Variants in ZNF704 observed in about 807,000 individuals in gnomAD.
The protein encoded by ZNF704 is glucocorticoid induced gene 1.
In ZNF704, 10 loss-of-function variants were observed where a neutral mutation model predicts 44.7. That is an observed-to-expected ratio of 0.22 (90% confidence interval 0.14 to 0.38). ZNF704 has a LOEUF of 0.38. ZNF704 is among the 10% of genes least tolerant of loss of function. ZNF704 has a pLI of 1.00. For synonymous variants in ZNF704, 211 were observed against 207.6 expected (o/e 1.02, Z -0.14); for missense variants, 390 against 545.5 (o/e 0.71, Z 2.84).
At chr8:80,780,229 C>T (rs1807495058) in intron 2 of ZNF704, among the ~76,000 whole-genome samples, 1 of 152,100 alleles carries the variant, frequency 6.6e-6, no homozygotes, top group Non-Finnish European at 1.5e-5. Context: ...ATGGAAAATA[C>T]GCTGGCAACA....
In ZNF704 at chr8:80,678,891, C is replaced by T. The variant is rs981743068; in HGVS notation, c.559-8288G>A. Reference sequence around the variant, plus strand: ...GTTGGATTTGGCTAATGAGAGGCACCGGCAGGCAGCTGGGAGGCAGGAGAG... The same window carrying T: ...GTTGGATTTGGCTAATGAGAGGCACTGGCAGGCAGCTGGGAGGCAGGAGAG... On this transcript the variant is annotated intron_variant, in intron 4 of 8. Coordinates refer to ENST00000327835, the MANE Select transcript of ZNF704 (RefSeq NM_001033723.3). 1.1e-4 allele frequency among the ~76,000 whole-genome samples: 16 copies of T among 152,222 alleles called. No individual in the cohort carries two copies. In the South Asian group the frequency reaches 2.1e-3, roughly 20 times the overall value.
chr8:80,846,497 T>G (rs1159065443), intron 1 of ZNF704, among the ~76,000 whole-genome samples: 3 of 151,980 alleles, frequency 2.0e-5, no homozygotes, highest in African/African-American at 7.2e-5. Context: ...TCTTTGAGGT[T>G]TAATGGGGAA....
chr8:80,805,299 C>G (rs1807971781), intron 2 of ZNF704, among the ~76,000 whole-genome samples: 1 of 152,064 alleles, frequency 6.6e-6, no homozygotes, highest in Non-Finnish European at 1.5e-5. Flanking sequence ...CAAACTGGAG[C>G]AAGAAAATTC....
chr8:80,696,600 T>C (rs1394879957), intron 2 of ZNF704, among the ~76,000 whole-genome samples: 2 of 152,176 alleles, frequency 1.3e-5, no homozygotes, highest in African/African-American at 4.8e-5. Context: ...GTATTTTCAG[T>C]AGAGACGGGG....
chr8:80,809,654 A>G (rs985838716), intron 2 of ZNF704, among the ~76,000 whole-genome samples: 6 of 152,224 alleles, frequency 3.9e-5, no homozygotes, highest in African/African-American at 1.4e-4. Context: ...AGTTACATAT[A>G]TTAAAACAAA....
chr8:80,693,242 T>C, intron 2 of ZNF704, 135 bp from the exon 3 acceptor site: 4 of 723,720 alleles, frequency 5.5e-6, no homozygotes, highest in South Asian at 5.2e-5. Flanking sequence ...AGCTTTATTT[T>C]ATAGATGAGG....
intron 1 of ZNF704, among the ~76,000 whole-genome samples, chr8:80,864,915 T>A (rs1026578189): frequency 1.3e-5 from 2 of 152,172 alleles, no homozygotes. Flanking sequence ...ACAACCACTA[T>A]AGATCTGAAC....
At chr8:80,850,140 A>T (rs1808833276) in intron 1 of ZNF704, among the ~76,000 whole-genome samples, 1 of 152,146 alleles carries the variant, frequency 6.6e-6, no homozygotes, top group African/African-American at 2.4e-5. Flanking sequence ...CACTCCTAAA[A>T]GTCATTTTAT....
In ZNF704 at chr8:80,645,165, T is replaced by C. The variant is rs1585918401; in HGVS notation, c.1033-2036A>G. ...TTTGTCCAAATAGTAAATTTGTTTGTGCGACATGATCGCTCGGTTTGCTAG... is the reference window on the plus strand; with the variant it reads ...TTTGTCCAAATAGTAAATTTGTTTGCGCGACATGATCGCTCGGTTTGCTAG... On this transcript the variant is annotated intron_variant, in intron 7 of 8. Coordinates refer to ENST00000327835, the MANE Select transcript of ZNF704 (RefSeq NM_001033723.3). The C allele has an allele frequency of 5.0e-6, 8 of 1,597,456 alleles. No homozygotes were observed. The East Asian group carries it at 6.7e-5, about 13-fold the overall frequency.
intron 7 of ZNF704, among the ~76,000 whole-genome samples, chr8:80,649,783 A>C (rs1453862610): frequency 6.6e-6 from 1 of 152,188 alleles, no homozygotes; most frequent in African/African-American, 2.4e-5. Context: ...TGCAGACTTA[A>C]ATGTCCCTGT....
chr8:80,721,636 C>T (rs1819168226), intron 2 of ZNF704, among the ~76,000 whole-genome samples: 1 of 152,102 alleles, frequency 6.6e-6, no homozygotes, highest in South Asian at 2.1e-4. Context: ...TATCCACTTC[C>T]ACCATATACA....
intron 1 of ZNF704, among the ~76,000 whole-genome samples, chr8:80,827,792 G>A (rs1808403339): frequency 6.6e-6 from 1 of 152,128 alleles, no homozygotes; most frequent in Non-Finnish European, 1.5e-5. Flanking sequence ...TCTGATCTTT[G>A]ACAAAACTGA....
At chr8:80,757,206 G>T (rs538873290) in intron 2 of ZNF704, among the ~76,000 whole-genome samples, 4 of 152,250 alleles carry the variant, frequency 2.6e-5, no homozygotes, top group African/African-American at 9.6e-5. Context: ...GCATGTTATT[G>T]CCCCTGAACA....
intron 2 of ZNF704, among the ~76,000 whole-genome samples, chr8:80,776,300 T>C (rs1398517974): frequency 2.6e-5 from 4 of 152,208 alleles, no homozygotes; most frequent in African/African-American, 4.8e-5. Flanking sequence ...TCTTTCCCAA[T>C]AGAGTTGTAC....
At chr8:80,692,336 T>A (rs564794515) in intron 3 of ZNF704, among the ~76,000 whole-genome samples, 1 of 151,848 alleles carries the variant, frequency 6.6e-6, no homozygotes, top group African/African-American at 2.4e-5. Flanking sequence ...GTGATAATAA[T>A]ACCTCATAGA....
intron 2 of ZNF704, among the ~76,000 whole-genome samples, chr8:80,812,893 A>C (rs1417757543): frequency 1.3e-5 from 2 of 152,244 alleles, no homozygotes; most frequent in Non-Finnish European, 2.9e-5. Context: ...AGAGTACAGA[A>C]TCTATAATGA....
intron 1 of ZNF704, among the ~76,000 whole-genome samples, chr8:80,866,680 G>A (rs1809159522): frequency 6.6e-6 from 1 of 152,148 alleles, no homozygotes; most frequent in Non-Finnish European, 1.5e-5. Context: ...GACATGGGGA[G>A]GGAAAGGCTC....
At chr8:80,761,576 A>G (rs894796401) in intron 2 of ZNF704, among the ~76,000 whole-genome samples, 2 of 152,228 alleles carry the variant, frequency 1.3e-5, no homozygotes, top group African/African-American at 4.8e-5. Context: ...TTCTGAAAAA[A>G]TAACTTAATA....
chr8:80,804,316 A>G (rs1169402664), intron 2 of ZNF704, among the ~76,000 whole-genome samples: 1 of 152,226 alleles, frequency 6.6e-6, no homozygotes, highest in Non-Finnish European at 1.5e-5. Flanking sequence ...CAGCAATCCC[A>G]TTACTGGGTA....
Sources: gnomAD v4.1 joint callset for allele counts (sites outside exome capture counted in the v4.1 genomes callset) on GRCh38, gnomAD v4.1.1 for gene constraint, MANE v1.5 for transcripts, NCBI Gene and HGNC (gene_info 2026-07-23, HGNC 2026-07-21) for gene names.